WBP2NL: variants seen among roughly 807,000 people sequenced by gnomAD.
WBP2NL encodes postacrosomal sheath WW domain-binding protein.
Under a neutral mutation model 23.3 loss-of-function variants are expected in WBP2NL, and 27 were observed. The ratio of observed to expected loss-of-function variants is 1.16; its 90% CI spans 0.85 to 1.60. The LOEUF (loss-of-function observed/expected upper bound fraction) is 1.60. Among genes scored for constraint, WBP2NL ranks in the 40% most tolerant of loss-of-function variants. WBP2NL has a pLI of 0.00. For missense variants in WBP2NL, 370 were observed against 389.5 expected (o/e 0.95, Z 0.42); for synonymous variants, 151 against 145.9 (o/e 1.03, Z -0.25).
At chr22:42,043,418 G>A (rs756857320) in intron 8 of WBP2NL, among the ~76,000 whole-genome samples, 36 of 152,208 alleles carry the variant, frequency 2.4e-4, no homozygotes, top group Non-Finnish European at 3.1e-4. Flanking sequence ...GGAGCCAGCT[G>A]CTGGCACATG....
intron 8 of WBP2NL, among the ~76,000 whole-genome samples, chr22:42,038,118 A>G (rs1312616329): frequency 1.3e-5 from 2 of 152,190 alleles, no homozygotes; most frequent in Non-Finnish European, 2.9e-5. Context: ...TGGGCATTTC[A>G]TAAGTGACCT....
intron 4 of WBP2NL, 47 bp from the exon 5 acceptor site, chr22:42,022,202 C>G: frequency 6.9e-7 from 1 of 1,454,680 alleles, no homozygotes; most frequent in Non-Finnish European, 9.7e-7. Flanking sequence ...TGCTATATAT[C>G]TGACTTAATT....
chr22:42,013,833 T>G (rs1392980150), intron 1 of WBP2NL, among the ~76,000 whole-genome samples: 1 of 151,688 alleles, frequency 6.6e-6, no homozygotes, highest in African/African-American at 2.4e-5. Flanking sequence ...CAGACTGGAG[T>G]GCATTGGTGC....
In WBP2NL at chr22:42,022,336, C is replaced by G. The variant is rs200088582; in HGVS notation, c.494C>G (p.Thr165Ser). The change falls in exon 5 of 6, where the codon ACT becomes AGT. Residue 165 changes from threonine (T) to serine (S), a missense_variant. Thr to Ser is a moderately conservative substitution (Grantham distance 58, BLOSUM62 1). Coordinates refer to ENST00000328823, the MANE Select transcript of WBP2NL (RefSeq NM_152613.3). ...ATTACTGGGGAAGGGAATATGTGCA[C>G]TCCACAGATGCCTTGTTCAGGTAAG... is the stretch of plus-strand genomic sequence containing the variant. ...YVITGEGNMCTPQMPCSVIVY... is the reference protein window; with the variant it reads ...YVITGEGNMCSPQMPCSVIVY... 5.0e-6 allele frequency: 8 copies of G among 1,613,572 alleles called. No individual in the cohort carries two copies. In the East Asian group the frequency reaches 1.8e-4, roughly 36 times the overall value.
At chr22:42,044,499 G>A (rs1925510026) in intron 8 of WBP2NL, among the ~76,000 whole-genome samples, 1 of 152,206 alleles carries the variant, frequency 6.6e-6, no homozygotes, top group Non-Finnish European at 1.5e-5. Flanking sequence ...TCTTTGAAAA[G>A]ATGAATAAAA....
At chr22:42,005,328 A>G (rs910877040) in intron 1 of WBP2NL, among the ~76,000 whole-genome samples, 1 of 152,124 alleles carries the variant, frequency 6.6e-6, no homozygotes, top group Non-Finnish European at 1.5e-5. Flanking sequence ...AGCCTGGCCA[A>G]AATGATGAAA....
intron 8 of WBP2NL, among the ~76,000 whole-genome samples, chr22:42,056,216 T>G (rs1249138659): frequency 6.6e-6 from 1 of 152,186 alleles, no homozygotes; most frequent in Admixed American, 6.6e-5. Context: ...GGGATTACCA[T>G]TAACATCTTA....
chr22:42,033,245 A>G (rs1312711841), downstream of WBP2NL, among the ~76,000 whole-genome samples: 2 of 152,068 alleles, frequency 1.3e-5, no homozygotes, highest in South Asian at 4.1e-4. Flanking sequence ...GACCAGTCGC[A>G]CTCCAAGCAG....
In WBP2NL at chr22:42,027,556, A is replaced by G. The variant is rs889886701; in HGVS notation, c.*375A>G. The G allele has an allele frequency of 3.8e-6, 1 of 265,774 alleles. No individual in the cohort carries two copies. Among genetic ancestry groups the G allele is most frequent in the Non-Finnish European group, 7.1e-6 (1 of 141,238 alleles). 16.5% of individuals were successfully genotyped at this position (265,774 alleles called of 1,614,324 possible). A position where few individuals can be genotyped will look rare whatever the true frequency, so the allele number is the denominator to read the frequency against. ...TTTGCTAGGCACTAAGATGCGTGCT[A>G]AAAACGTCATGTTGAACACTTAGTT... On this transcript the variant is annotated 3_prime_UTR_variant, in exon 6 of 6. Transcript: ENST00000328823.
intron 5 of WBP2NL, 122 bp from the exon 6 acceptor site, chr22:42,026,644 T>C (rs1027450220): frequency 1.1e-5 from 16 of 1,454,616 alleles, no homozygotes; most frequent in Non-Finnish European, 1.4e-5. Flanking sequence ...GCTTTAGCAT[T>C]ATTCTGCCTG....
chr22:42,012,626 T>C (rs1922924637), intron 1 of WBP2NL, among the ~76,000 whole-genome samples: 1 of 152,226 alleles, frequency 6.6e-6, no homozygotes, highest in African/African-American at 2.4e-5. Context: ...TTTTGTTTAT[T>C]TGGTAATGTC....
chr22:42,057,869 GTATATATATATATATATATATA>G (rs5845518), intron 8 of WBP2NL, among the ~76,000 whole-genome samples: 3 of 32,550 alleles, frequency 9.2e-5, no homozygotes, highest in South Asian at 3.2e-3. Context: ...GTGTGTGTAT[GTATATATATATATATATATATA>G]TATATATATA....
downstream of WBP2NL, among the ~76,000 whole-genome samples, chr22:42,037,148 G>A (rs1039186876): frequency 1.3e-5 from 2 of 151,834 alleles, no homozygotes; most frequent in African/African-American, 4.8e-5. Flanking sequence ...GTGTGTGTGT[G>A]TGTGTGTGTG....
intron 5 of WBP2NL, among the ~76,000 whole-genome samples, chr22:42,026,262 A>C (rs369970284): frequency 1.4e-5 from 2 of 142,552 alleles, no homozygotes; most frequent in East Asian, 4.2e-4. Context: ...ACAGAGCGAG[A>C]CCCCCTCTCA....
At chr22:42,039,278 G>A (rs1602476819) in intron 8 of WBP2NL, among the ~76,000 whole-genome samples, 1 of 151,380 alleles carries the variant, frequency 6.6e-6, no homozygotes, top group East Asian at 2.0e-4. Flanking sequence ...GTTTCACCAT[G>A]TTGGACAGGC....
intron 1 of WBP2NL, chr22:42,001,343 T>G (rs1921653508): frequency 1.4e-6 from 1 of 692,790 alleles, no homozygotes; most frequent in Non-Finnish European, 2.6e-6. Context: ...ACAATGTGAG[T>G]GTTCTTGGGA....
intron 3 of WBP2NL, 100 bp downstream of exon 3, chr22:42,019,903 G>C (rs1416273108): frequency 6.3e-7 from 1 of 1,594,228 alleles, no homozygotes; most frequent in East Asian, 2.2e-5. Flanking sequence ...AACAAAAGCT[G>C]CCCTACTTTG....
At chr22:42,057,037 G>C (rs1343539286) in intron 8 of WBP2NL, among the ~76,000 whole-genome samples, 1 of 152,146 alleles carries the variant, frequency 6.6e-6, no homozygotes, top group Admixed American at 6.5e-5. Flanking sequence ...GGAGCTCTTT[G>C]AGTTTAACCT....
chr22:41,998,793 C>G lies in WBP2NL; in HGVS notation c.-26C>G, dbSNP rs1216862868. 1 of 1,603,080 alleles carries G rather than the reference C, an allele frequency of 6.2e-7. No individual in the cohort carries two copies. Among genetic ancestry groups the G allele is most frequent in the Non-Finnish European group, 8.5e-7 (1 of 1,173,926 alleles). ...CGCAGGTCCCGCCCCTTTCCATCTA[C>G]GGGGCGGCAGGAGGCCCGAAGCAAG... On this transcript the variant is annotated 5_prime_UTR_variant, in exon 1 of 6. Transcript: ENST00000328823.
Sources: gnomAD v4.1 joint callset for allele counts (sites outside exome capture counted in the v4.1 genomes callset) on GRCh38, gnomAD v4.1.1 for gene constraint, MANE v1.5 for transcripts, NCBI Gene and HGNC (gene_info 2026-07-23, HGNC 2026-07-21) for gene names.